The following MAP3K5 variants were observed in gnomAD, a reference collection of about 807,000 sequenced individuals.
MAP3K5 encodes the protein mitogen-activated protein kinase kinase kinase 5, also known as ASK-1.
Under a neutral mutation model 158.7 loss-of-function variants are expected in MAP3K5, and 56 were observed. The ratio of observed to expected loss-of-function variants is 0.35; its 90% CI spans 0.28 to 0.44. MAP3K5 has a LOEUF of 0.44. MAP3K5 is among the 20% of genes least tolerant of loss of function. MAP3K5 has a pLI of 1.00. For missense variants in MAP3K5, 1,294 were observed against 1,674.8 expected, an observed-to-expected ratio of 0.77 and a Z score of 3.97; for synonymous variants, 579 against 601.7, an observed-to-expected ratio of 0.96 and a Z score of 0.55.
rs778938171 is a variant in MAP3K5 at position 136,613,248 on chromosome 6, A to C, written c.2287T>G (p.Ser763Ala). 1.2e-6 allele frequency: 2 copies of C among 1,612,708 alleles called. No homozygotes were observed. The highest frequency in any genetic ancestry group is 1.7e-6 in the Non-Finnish European group (2 of 1,179,462). ...CCCCATTTGGAACGAAGGAGAGCAG[A>C]AAGACTTCCTGTAAAGTAGGGATAA... is the stretch of plus-strand genomic sequence containing the variant. ...FMEQVPGGSL[S>A]ALLRSKWGPL... Residue 763 changes from serine to alanine, a missense_variant, in exon 17 of 30, where the codon TCT (serine) becomes GCT (alanine). Physicochemically the swap from Ser to Ala is moderately conservative, Grantham distance 99. Transcript: ENST00000359015. This position sits in a 1 kb window ranked among gnomAD's most constrained non-coding sequence, Gnocchi z 4.0.
intron 11 of MAP3K5, 77 bp downstream of exon 11, chr6:136,650,907 G>C (rs989507518): frequency 7.5e-6 from 6 of 796,984 alleles, no homozygotes; most frequent in Non-Finnish European, 1.2e-5. Flanking sequence ...ACAGACATTT[G>C]CTGGAGTATG....
chr6:136,593,211 G>C (rs1298459380), intron 21 of MAP3K5, among the ~76,000 whole-genome samples: 1 of 152,228 alleles, frequency 6.6e-6, no homozygotes, highest in Non-Finnish European at 1.5e-5. Context: ...AGATGGACTA[G>C]ATGATCTCTT....
At chr6:136,673,487 G>A (rs879053181) in intron 7 of MAP3K5, among the ~76,000 whole-genome samples, 31 of 151,738 alleles carry the variant, frequency 2.0e-4, no homozygotes, top group South Asian at 1.0e-3. Context: ...TGACAAATAC[G>A]GTAAAGAATA....
intron 1 of MAP3K5, among the ~76,000 whole-genome samples, chr6:136,787,327 A>G (rs899303989): frequency 2.0e-5 from 3 of 152,258 alleles, no homozygotes; most frequent in African/African-American, 7.2e-5. Context: ...CTGCTAAGGC[A>G]AAGGCATTGG....
At chr6:136,664,885 C>A (rs1010098436) in intron 8 of MAP3K5, among the ~76,000 whole-genome samples, 1 of 152,130 alleles carries the variant, frequency 6.6e-6, no homozygotes, top group African/African-American at 2.4e-5. Context: ...GAGCCAAGAT[C>A]GCACCACTGC....
chr6:136,660,617 ATTTG>A (rs1778965940), intron 8 of MAP3K5, among the ~76,000 whole-genome samples: 1 of 152,112 alleles, frequency 6.6e-6, no homozygotes, highest in African/African-American at 2.4e-5. Context: ...TTTTATAAGT[ATTTG>A]TTTGCTTAAA....
chr6:136,669,616 C>G (rs960595117), intron 7 of MAP3K5, among the ~76,000 whole-genome samples: 31 of 143,666 alleles, frequency 2.2e-4, no homozygotes, highest in African/African-American at 7.7e-4. Context: ...CTCAACCTAC[C>G]TAGTAACCCT....
intron 1 of MAP3K5, among the ~76,000 whole-genome samples, chr6:136,772,807 CAAGA>C (rs1721694169): frequency 6.6e-6 from 1 of 152,172 alleles, no homozygotes. Context: ...GTTGAGAAAA[CAAGA>C]AAGGCGTTTC....
intron 14 of MAP3K5, among the ~76,000 whole-genome samples, chr6:136,631,935 C>T (rs1777378027): frequency 6.6e-6 from 1 of 151,936 alleles, no homozygotes; most frequent in South Asian, 2.1e-4. Flanking sequence ...GAGGAGTGGG[C>T]CAAAATGCTA....
chr6:136,757,586 A>ATTTTTTTT (rs897486770), intron 1 of MAP3K5, among the ~76,000 whole-genome samples: 13 of 127,806 alleles, frequency 1.0e-4, no homozygotes, highest in South Asian at 4.7e-4. Flanking sequence ...TTTATTTTTT[A>ATTTTTTTT]TTTTTTTTTT....
Position 136,696,024 on chromosome 6 carries a change from A to C in MAP3K5, c.1009T>G (p.Leu337Val), listed in dbSNP as rs1780587640. ...AAATCAAAGGTTGGCAGTTTTTCTA[A>C]AGTCTCTACCAGCTTCACAATAGAA... ...YDSIVKLVET[L>V]EKLPTFDLAS... Residue 337 changes from leucine (L) to valine (V), a missense_variant, in exon 6 of 30, where the codon TTA becomes GTA. Physicochemically the swap from Leu to Val is conservative, Grantham distance 32. Coordinates refer to ENST00000359015, the MANE Select transcript of MAP3K5 (RefSeq NM_005923.4). 1.2e-6 allele frequency: 2 copies of C among 1,613,136 alleles called. No homozygotes were observed. The highest frequency in any genetic ancestry group is 2.7e-5 in the African/African-American group (2 of 75,026).
chr6:136,782,018 C>T (rs954115809), intron 1 of MAP3K5, among the ~76,000 whole-genome samples: 1 of 148,162 alleles, frequency 6.7e-6, no homozygotes, highest in Admixed American at 6.7e-5. Flanking sequence ...CAGTTCAAGA[C>T]CAGCCTGGGC....
intron 14 of MAP3K5, among the ~76,000 whole-genome samples, chr6:136,631,859 T>A (rs539276555): frequency 6.6e-6 from 1 of 152,218 alleles, no homozygotes. Flanking sequence ...CATCCTGCCA[T>A]GGGACATTAA....
intron 25 of MAP3K5, among the ~76,000 whole-genome samples, chr6:136,568,846 A>T (rs1332494034): frequency 6.8e-6 from 1 of 146,858 alleles, no homozygotes; most frequent in East Asian, 2.0e-4. Flanking sequence ...CAACAGAGCA[A>T]GAGTCTGTCT....
At chr6:136,734,516 A>G (rs966403594) in intron 1 of MAP3K5, among the ~76,000 whole-genome samples, 2 of 151,568 alleles carry the variant, frequency 1.3e-5, no homozygotes, top group Non-Finnish European at 2.9e-5. Context: ...TTTCTCCTTG[A>G]AATGGTTATA....
chr6:136,561,463 T>A, intron 28 of MAP3K5, 70 bp downstream of exon 28: 2 of 1,129,686 alleles, frequency 1.8e-6, no homozygotes, highest in Non-Finnish European at 2.7e-6. Flanking sequence ...CCTGTGCCTG[T>A]CACATAGCAG....
rs1416509449 is a variant in MAP3K5 at position 136,599,305 on chromosome 6, G to A, written c.2878+1717C>T. ...AGAGTCTGAACAGTTTAATCATGCAGGGAATTGGGGACTGCCCCTTTTTCT... is the reference window on the plus strand; with the variant it reads ...AGAGTCTGAACAGTTTAATCATGCAAGGAATTGGGGACTGCCCCTTTTTCT... On this transcript the variant is annotated intron_variant, in intron 21 of 29. Transcript: ENST00000359015. Among the ~76,000 whole-genome samples, 4 of 152,152 alleles carry A rather than the reference G, an allele frequency of 2.6e-5. 1 individual carries two copies. The highest frequency in any genetic ancestry group is 4.1e-4 in the South Asian group (2 of 4,828).
intron 1 of MAP3K5, 144 bp downstream of exon 1, chr6:136,791,566 G>A (rs925207469): frequency 6.0e-6 from 5 of 831,596 alleles, no homozygotes; most frequent in Non-Finnish European, 9.9e-6. Flanking sequence ...CGAGCGACAG[G>A]AGCAGTCACG....
At chr6:136,698,135 A>T (rs1780685751) in intron 4 of MAP3K5, among the ~76,000 whole-genome samples, 1 of 152,214 alleles carries the variant, frequency 6.6e-6, no homozygotes, top group Non-Finnish European at 1.5e-5. Flanking sequence ...TCACTGAAAG[A>T]ACAATTAGAG....
Sources: allele counts gnomAD v4.1 joint callset (sites outside exome capture counted in the v4.1 genomes callset), GRCh38; gene constraint gnomAD v4.1.1; non-coding constraint Gnocchi (gnomAD v3.1); transcripts MANE v1.5; gene names NCBI Gene and HGNC (gene_info 2026-07-23, HGNC 2026-07-21).